Variants in C1orf146 observed in about 807,000 individuals in gnomAD.
C1orf146 encodes protein SPO16 homolog.
Under a neutral mutation model 23.0 loss-of-function variants are expected in C1orf146, and 22 were observed. The observed-to-expected ratio is 0.96, with a 90% CI of 0.68 to 1.36. The LOEUF is 1.36. Among genes scored for constraint, C1orf146 ranks in the 40% most tolerant of loss-of-function variants. C1orf146 has a pLI of 0.00. For synonymous variants in C1orf146, 59 were observed against 65.3 expected, an observed-to-expected ratio of 0.90 and a Z score of 0.47; for missense variants, 199 against 206.8, an observed-to-expected ratio of 0.96 and a Z score of 0.23.
intron 2 of C1orf146, among the ~76,000 whole-genome samples, chr1:92,234,745 C>A (rs1453781736): frequency 2.6e-5 from 4 of 152,176 alleles, no homozygotes; most frequent in Non-Finnish European, 5.9e-5. Context: ...TGGTCCTGGA[C>A]TCTTTTTGGT....
intron 1 of C1orf146, among the ~76,000 whole-genome samples, chr1:92,223,954 T>A (rs1651899391): frequency 6.6e-6 from 1 of 152,040 alleles, no homozygotes; most frequent in Non-Finnish European, 1.5e-5. Flanking sequence ...AGTGTCTTTT[T>A]AAACATTTTT....
intron 1 of C1orf146, among the ~76,000 whole-genome samples, chr1:92,218,681 G>A (rs1222369958): frequency 6.6e-6 from 1 of 152,108 alleles, no homozygotes; most frequent in Non-Finnish European, 1.5e-5. Flanking sequence ...ATTAGTGACT[G>A]TCCCTCCTCC....
chr1:92,229,155 A>G (rs999096758), intron 1 of C1orf146: 5 of 526,162 alleles, frequency 9.5e-6, no homozygotes, highest in Non-Finnish European at 1.9e-5. Context: ...GGGTGCAATG[A>G]TCTTGATCTT....
chr1:92,226,836 TTCTC>T (rs1345768279), intron 1 of C1orf146, among the ~76,000 whole-genome samples: 2 of 152,188 alleles, frequency 1.3e-5, no homozygotes, highest in African/African-American at 2.4e-5. Flanking sequence ...ATGTTCTTTT[TTCTC>T]TCTCTAGCCT....
intron 2 of C1orf146, among the ~76,000 whole-genome samples, chr1:92,236,660 T>G (rs1304753844): frequency 6.6e-6 from 1 of 152,226 alleles, no homozygotes; most frequent in Non-Finnish European, 1.5e-5. Flanking sequence ...TGGCCTGCCT[T>G]GCTAGATTGG....
At chr1:92,232,118 T>C (rs577505099) in intron 2 of C1orf146, among the ~76,000 whole-genome samples, 2 of 150,750 alleles carry the variant, frequency 1.3e-5, no homozygotes, top group African/African-American at 4.9e-5. Context: ...TATATATTTT[T>C]ATTATTATAC....
rs140165531 is a variant in C1orf146, at chr1:92,244,357, T to G, written c.301T>G (p.Trp101Gly). The part of the protein sequence containing the change: ...LSAALHGPEE[W>G]KLMFRIQQRF... The stretch of plus-strand genomic sequence containing the variant: ...TGCTGCCCTCCATGGGCCTGAAGAA[T>G]GGAAACTGATGTTCAGGATTCAGCA... Residue 101 changes from tryptophan to glycine, a missense_variant, in exon 4 of 6, where the codon TGG (tryptophan) becomes GGG (glycine). Transcript: ENST00000370375. The G allele has an allele frequency of 1.8e-5, 29 of 1,608,544 alleles. No individual in the cohort carries two copies. The Admixed American group carries it at 4.6e-4, about 26-fold the overall frequency.
At chr1:92,225,094 T>C (rs1277392538) in intron 1 of C1orf146, among the ~76,000 whole-genome samples, 1 of 146,006 alleles carries the variant, frequency 6.8e-6, no homozygotes, top group Non-Finnish European at 1.5e-5. Flanking sequence ...ATCATTCTTC[T>C]TTTCCGGTTT....
intron 1 of C1orf146, among the ~76,000 whole-genome samples, chr1:92,224,204 C>T (rs1329452696): frequency 6.6e-6 from 1 of 151,922 alleles, no homozygotes; most frequent in Non-Finnish European, 1.5e-5. Context: ...GCGCCCACCA[C>T]CACACCTGGC....
chr1:92,244,811 T>G lies in C1orf146; in HGVS notation c.362T>G (p.Val121Gly), dbSNP rs1055380233. 28 of 1,609,392 alleles carry G rather than the reference T, an allele frequency of 1.7e-5. No homozygotes were observed. Among genetic ancestry groups the G allele is most frequent in the Middle Eastern group, 1.6e-4 (1 of 6,068 alleles). Reference protein sequence around the residue: ...FLGCNLRILPVHNTVNAINLM... With the variant: ...FLGCNLRILPGHNTVNAINLM... ...GGTTGTAACTTACGAATACTTCCAG[T>G]ACACAACACAGTAAATGCTATTAAT... Residue 121 changes from valine to glycine, a missense_variant, in exon 5 of 6, where the codon GTA becomes GGA. Coordinates refer to ENST00000370375, the MANE Select transcript of C1orf146 (RefSeq NM_001012425.2).
At chr1:92,223,388 G>A (rs528511279) in intron 1 of C1orf146, among the ~76,000 whole-genome samples, 3 of 152,176 alleles carry the variant, frequency 2.0e-5, no homozygotes, top group Admixed American at 6.5e-5. Context: ...GCTTTAATTT[G>A]CATTTCCCTA....
intron 3 of C1orf146, 53 bp from the exon 4 acceptor site, chr1:92,244,164 A>C (rs1652506011): frequency 7.6e-7 from 1 of 1,322,426 alleles, no homozygotes; most frequent in South Asian, 1.3e-5. Context: ...GTTTATAACA[A>C]AATTTCATCT....
intron 2 of C1orf146, among the ~76,000 whole-genome samples, chr1:92,237,334 C>G (rs528319305): frequency 1.3e-5 from 2 of 152,256 alleles, no homozygotes; most frequent in South Asian, 4.1e-4. Context: ...AGACAGGACC[C>G]TCAGTTGCAG....
rs866286571 is a variant in C1orf146, at chr1:92,236,041, C to T, written c.66+4555C>T. Among the ~76,000 whole-genome samples the T allele has an allele frequency of 3.9e-4, 59 of 152,012 alleles. 1 individual carries two copies. Among genetic ancestry groups the T allele is most frequent in the Admixed American group, 3.2e-3 (49 of 15,272 alleles). On this transcript the variant is annotated intron_variant, in intron 2 of 5. Coordinates refer to ENST00000370375, the MANE Select transcript of C1orf146 (RefSeq NM_001012425.2). Reference sequence around the variant, plus strand: ...GATGGGTTTCCTGAATACAGCACACCGATGGGTCTTGACTCTATCCAATTT... The same window carrying T: ...GATGGGTTTCCTGAATACAGCACACTGATGGGTCTTGACTCTATCCAATTT...
At chr1:92,230,634 G>T (rs1652097101) in intron 1 of C1orf146, among the ~76,000 whole-genome samples, 1 of 149,716 alleles carries the variant, frequency 6.7e-6, no homozygotes, top group South Asian at 2.1e-4. Context: ...AAAAAAATCA[G>T]CCAGGCATGG....
intron 2 of C1orf146, among the ~76,000 whole-genome samples, chr1:92,238,673 T>C (rs1348374882): frequency 6.6e-6 from 1 of 152,188 alleles, no homozygotes; most frequent in African/African-American, 2.4e-5. Flanking sequence ...AAAAGGATAT[T>C]ATTGAAATTC....
rs532022573 is a variant in C1orf146 at position 92,235,321 on chromosome 1, A to C, written c.66+3835A>C. On this transcript the variant is annotated intron_variant, in intron 2 of 5. Coordinates refer to ENST00000370375, the MANE Select transcript of C1orf146 (RefSeq NM_001012425.2). ...TCTGGTATGTTGCGTCTTTGTTCTC[A>C]TTGGTTTCAAAGAACATCTTTATTT... Among the ~76,000 whole-genome samples, 10 of 152,118 alleles carry C rather than the reference A, an allele frequency of 6.6e-5. No homozygotes were observed. The East Asian group carries it at 1.9e-3, about 29-fold the overall frequency.
intron 1 of C1orf146, among the ~76,000 whole-genome samples, chr1:92,230,710 T>C (rs1570790693): frequency 6.6e-6 from 1 of 151,730 alleles, no homozygotes; most frequent in African/African-American, 2.4e-5. Context: ...AGCCTAGGAG[T>C]TTGAGGCTAG....
At chr1:92,231,556 T>C (rs1386078450) in intron 2 of C1orf146, 70 bp downstream of exon 2, 1 of 1,008,738 alleles carries the variant, frequency 9.9e-7, no homozygotes, top group African/African-American at 1.6e-5. Context: ...TAGAACAACA[T>C]TTTAAAAGGT....
Sources: gnomAD v4.1 joint callset for allele counts (sites outside exome capture counted in the v4.1 genomes callset) on GRCh38, gnomAD v4.1.1 for gene constraint, MANE v1.5 for transcripts, NCBI Gene and HGNC (gene_info 2026-07-23, HGNC 2026-07-21) for gene names.